Variants in CDH12 observed in about 807,000 individuals in gnomAD.
CDH12 encodes the protein cadherin-12.
Under a neutral mutation model 74.1 loss-of-function variants are expected in CDH12, and 41 were observed. That is an observed-to-expected ratio of 0.55 (90% confidence interval 0.43 to 0.72). The LOEUF (loss-of-function observed/expected upper bound fraction) is 0.72, where lower values mean the gene tolerates loss of function less well. CDH12 is among the 30% of genes least tolerant of loss of function. CDH12 has a pLI of 0.00. For missense variants in CDH12, 945 were observed against 977.2 expected (o/e 0.97, Z 0.44); for synonymous variants, 399 against 355.0 (o/e 1.12, Z -1.39).
At chr5:22,682,026 A>C (rs147378814) in intron 1 of CDH12, among the ~76,000 whole-genome samples, 96 of 152,254 alleles carry the variant, frequency 6.3e-4, no homozygotes, top group African/African-American at 2.2e-3. Flanking sequence ...CAAACCCTAC[A>C]GTGTTAAGAA....
intron 10 of CDH12, among the ~76,000 whole-genome samples, chr5:21,787,633 T>C (rs1337550141): frequency 6.6e-6 from 1 of 152,164 alleles, no homozygotes; most frequent in Non-Finnish European, 1.5e-5. Context: ...GTAATTGATT[T>C]CTGAACCAGA....
At chr5:22,088,824 T>G (rs1172480118) in intron 4 of CDH12, among the ~76,000 whole-genome samples, 1 of 152,174 alleles carries the variant, frequency 6.6e-6, no homozygotes, top group Non-Finnish European at 1.5e-5. Context: ...AGGTAATTTA[T>G]ACACAGTAAG....
Position 22,014,616 on chromosome 5 carries a change from GT to G in CDH12, c.232-39232del, listed in dbSNP as rs1410749772. 2.6e-5 allele frequency among the ~76,000 whole-genome samples: 4 copies of G among 152,056 alleles called. No individual in the cohort carries two copies. In the East Asian group the frequency reaches 7.7e-4, roughly 29 times the overall value. On this transcript the variant is annotated intron_variant, in intron 5 of 14. Coordinates refer to ENST00000382254, the MANE Select transcript of CDH12 (RefSeq NM_004061.5). ...CACTTGCACTGATATGGACAAATCA[GT>G]GTTAATGACAGAATGCAATAGAGTC...
intron 6 of CDH12, among the ~76,000 whole-genome samples, chr5:21,878,908 AAAG>A (rs1254630401): frequency 7.1e-6 from 1 of 140,466 alleles, no homozygotes; most frequent in Non-Finnish European, 1.5e-5. Flanking sequence ...AAGAAAAAGA[AAAG>A]AAAGGAAGAA....
At chr5:22,040,166 T>TA (rs35483357) in intron 5 of CDH12, among the ~76,000 whole-genome samples, 16,088 of 150,350 alleles carry the variant, frequency 0.11, 1,160 homozygotes, top group Non-Finnish European at 0.16. Context: ...ACAAATAAAG[T>TA]AAAAAAAAAT....
Position 22,690,152 on chromosome 5 carries a change from C to A in CDH12, c.-523+162906G>T, listed in dbSNP as rs578219191. On this transcript the variant is annotated intron_variant, in intron 1 of 14. Transcript: ENST00000382254. ...ACAGAAATATGAAGAATTACCAAAG[C>A]ACTATTAATGGAAGTCAATTTATTG... Among the ~76,000 whole-genome samples the A allele has an allele frequency of 3.9e-4, 60 of 152,228 alleles. 1 individual carries two copies. The highest frequency in any genetic ancestry group is 1.4e-3 in the African/African-American group (59 of 41,560).
intron 3 of CDH12, among the ~76,000 whole-genome samples, chr5:22,323,478 T>A (rs1738966844): frequency 6.6e-6 from 1 of 152,194 alleles, no homozygotes. Context: ...TCTCTGACTA[T>A]GAAATACTCA....
chr5:21,990,134 C>G (rs1352162030), intron 5 of CDH12, among the ~76,000 whole-genome samples: 3 of 152,098 alleles, frequency 2.0e-5, no homozygotes, highest in African/African-American at 7.2e-5. Flanking sequence ...AAATTAGACA[C>G]AATCACACCA....
Position 21,755,789 on chromosome 5 carries a change from C to T in CDH12, c.1687G>A (p.Glu563Lys), listed in dbSNP as rs368655982. ...RRNGYSRRQQ[E>K]LYFLPVVIED... ...ATTACAACAGGGAGGAAATACAACT[C>T]TTGCTGCCTGCGGCTGTATCCATTT... is the stretch of plus-strand genomic sequence containing the variant. The change falls in exon 14 of 15, where the codon GAG (glutamate) becomes AAG (lysine). Residue 563 changes from glutamate to lysine, a missense_variant. Around this residue, in one of 3 missense-constraint regions of CDH12, gnomAD observed 791 missense variants for 792.8 expected, o/e 1.00. Transcript: ENST00000382254. 13 of 1,613,882 alleles carry T rather than the reference C, an allele frequency of 8.1e-6. 1 individual carries two copies. Among genetic ancestry groups the T allele is most frequent in the Non-Finnish European group, 1.1e-5 (13 of 1,179,912 alleles).
At chr5:22,578,666 G>A (rs1739919045) in intron 1 of CDH12, among the ~76,000 whole-genome samples, 1 of 151,986 alleles carries the variant, frequency 6.6e-6, no homozygotes, top group South Asian at 2.1e-4. Context: ...TCAGAAGCAG[G>A]CCAAAGCACC....
At chr5:21,933,785 C>G (rs960866826) in intron 6 of CDH12, among the ~76,000 whole-genome samples, 6 of 151,960 alleles carry the variant, frequency 3.9e-5, no homozygotes, top group Admixed American at 6.6e-5. Flanking sequence ...TTATATATGG[C>G]AACTGTGGAA....
intron 8 of CDH12, among the ~76,000 whole-genome samples, chr5:21,830,311 C>A (rs898585943): frequency 6.7e-6 from 1 of 149,210 alleles, no homozygotes; most frequent in Admixed American, 6.7e-5. Context: ...CATCTCCACT[C>A]AAGCACGTTG....
chr5:22,262,368 G>T (rs557599898), intron 3 of CDH12, among the ~76,000 whole-genome samples: 39 of 150,364 alleles, frequency 2.6e-4, no homozygotes, highest in African/African-American at 7.8e-4. Flanking sequence ...AATATGAGGT[G>T]TTTGGTTTTT....
At chr5:21,977,650 A>AGCGCT (rs1757127959) in intron 5 of CDH12, among the ~76,000 whole-genome samples, 1 of 152,180 alleles carries the variant, frequency 6.6e-6, no homozygotes, top group African/African-American at 2.4e-5. Flanking sequence ...GCAAACTGAC[A>AGCGCT]TAAAAATGAA....
intron 6 of CDH12, 99 bp from the exon 7 acceptor site, chr5:21,854,889 T>A: frequency 9.9e-7 from 1 of 1,011,074 alleles, no homozygotes; most frequent in Non-Finnish European, 1.5e-6. Flanking sequence ...GTATTTGACC[T>A]ACGTCAAGTA....
chr5:22,167,076 A>G (rs1448986116), intron 4 of CDH12, among the ~76,000 whole-genome samples: 3 of 152,210 alleles, frequency 2.0e-5, no homozygotes, highest in Non-Finnish European at 4.4e-5. Context: ...GATTATTCAT[A>G]ATTTGCAGTA....
intron 1 of CDH12, among the ~76,000 whole-genome samples, chr5:22,760,543 G>T (rs887183225): frequency 6.6e-6 from 1 of 151,878 alleles, no homozygotes; most frequent in African/African-American, 2.4e-5. Context: ...GCTGGGCATG[G>T]TGGTGGCTGC....
intron 2 of CDH12, among the ~76,000 whole-genome samples, chr5:22,498,062 T>A (rs1413661835): frequency 6.6e-6 from 1 of 152,156 alleles, no homozygotes; most frequent in African/African-American, 2.4e-5. Flanking sequence ...GTGATTTAAT[T>A]TGGAAAGCTC....
chr5:22,642,828 T>C (rs1201857105), intron 1 of CDH12, among the ~76,000 whole-genome samples: 1 of 152,092 alleles, frequency 6.6e-6, no homozygotes, highest in East Asian at 1.9e-4. Context: ...CTATAGATAA[T>C]AATTCTACAT....
Sources: gnomAD v4.1 joint callset for allele counts (sites outside exome capture counted in the v4.1 genomes callset) on GRCh38, gnomAD v4.1.1 for gene constraint, gnomAD v4.1.1 regional missense constraint, MANE v1.5 for transcripts, NCBI Gene and HGNC (gene_info 2026-07-23, HGNC 2026-07-21) for gene names.